Variants in MGAT5 observed in about 807,000 individuals in gnomAD.
MGAT5 encodes alpha-1,6-mannosylglycoprotein 6-beta-N-acetylglucosaminyltransferase A.
A neutral mutation model predicts 94.3 loss-of-function variants in MGAT5; 30 were observed. That is an observed-to-expected ratio of 0.32 (90% confidence interval 0.24 to 0.43). The LOEUF is 0.43. Among genes scored for constraint, MGAT5 ranks in the 20% least tolerant of loss-of-function variants. MGAT5 has a pLI of 1.00. For missense variants in MGAT5, 691 were observed against 905.5 expected, an observed-to-expected ratio of 0.76 and a Z score of 3.04; for synonymous variants, 310 against 322.9, an observed-to-expected ratio of 0.96 and a Z score of 0.43.
intron 10 of MGAT5, among the ~76,000 whole-genome samples, chr2:134,387,278 A>T (rs1682047413): frequency 7.3e-6 from 1 of 137,656 alleles, no homozygotes; most frequent in African/African-American, 2.7e-5. Context: ...AAAAATAAAA[A>T]TAAAAAATAA....
intron 2 of MGAT5, among the ~76,000 whole-genome samples, chr2:134,290,419 T>C (rs1685276575): frequency 1.8e-5 from 2 of 111,342 alleles, no homozygotes; most frequent in Admixed American, 1.8e-4. Flanking sequence ...TGGGGACTGA[T>C]GATCTAGTCA....
At chr2:134,442,526 G>A (rs569151059) in intron 15 of MGAT5, among the ~76,000 whole-genome samples, 1 of 152,248 alleles carries the variant, frequency 6.6e-6, no homozygotes, top group East Asian at 1.9e-4. Context: ...CTGAGTCTGC[G>A]GGGTCTCTTG....
At chr2:134,273,029 G>A (rs898793496) in intron 2 of MGAT5, among the ~76,000 whole-genome samples, 11 of 123,552 alleles carry the variant, frequency 8.9e-5, no homozygotes, top group Admixed American at 4.3e-4. Flanking sequence ...GTGCGCGCGC[G>A]CGTGCGCGTG....
chr2:134,412,835 G>A (rs755890061), intron 11 of MGAT5, 34 bp from the exon 12 acceptor site: 2 of 1,611,288 alleles, frequency 1.2e-6, no homozygotes, highest in East Asian at 2.2e-5. Context: ...CCTGCCTGAT[G>A]TGTTCATACG....
chr2:134,233,722 C>A (rs1437094812), intron 1 of MGAT5, among the ~76,000 whole-genome samples: 3 of 152,070 alleles, frequency 2.0e-5, no homozygotes, highest in Admixed American at 6.5e-5. Flanking sequence ...TAGACTAGGC[C>A]CTTTGCAAAT....
chr2:134,149,289 A>G (rs891531748), intron 1 of MGAT5, among the ~76,000 whole-genome samples: 11 of 152,216 alleles, frequency 7.2e-5, no homozygotes, highest in African/African-American at 2.4e-4. Flanking sequence ...TGTGCAATGT[A>G]CAAGATCAGT....
In MGAT5 at chr2:134,449,338, TG is replaced by T. The variant is rs1483365050; in HGVS notation, c.*492del. 5.5e-6 allele frequency: 1 copy of T among 183,210 alleles called. No individual in the cohort carries two copies. The highest frequency in any genetic ancestry group is 2.4e-5 in the African/African-American group (1 of 42,076). The allele number at this position is 183,210 out of a possible 1,614,324, so 11.3% of individuals were successfully genotyped here. A position where few individuals can be genotyped will look rare whatever the true frequency, so the allele number is the denominator to read the frequency against. On this transcript the variant is annotated 3_prime_UTR_variant, in exon 16 of 16. Coordinates refer to ENST00000281923, the MANE Select transcript of MGAT5 (RefSeq NM_002410.5). Reference sequence around the variant, plus strand: ...TAATCATCCACCTTCACTATACTGTTGTTCTGTCTGCTTTGGGCAGGGTGCA... The same window carrying T: ...TAATCATCCACCTTCACTATACTGTTTTCTGTCTGCTTTGGGCAGGGTGCA...
At chr2:134,391,946 A>G (rs1438691760) in intron 10 of MGAT5, among the ~76,000 whole-genome samples, 1 of 152,206 alleles carries the variant, frequency 6.6e-6, no homozygotes, top group Admixed American at 6.5e-5. Flanking sequence ...GCAAAGGGCA[A>G]TGTCAAAGTT....
At chr2:134,312,632 C>T (rs1232348928) in intron 2 of MGAT5, among the ~76,000 whole-genome samples, 1 of 152,164 alleles carries the variant, frequency 6.6e-6, no homozygotes, top group African/African-American at 2.4e-5. Context: ...GAGGAGGCTT[C>T]GTTGCCGGGT....
At chr2:134,345,661 G>A (rs1288383762) in intron 8 of MGAT5, among the ~76,000 whole-genome samples, 1 of 152,156 alleles carries the variant, frequency 6.6e-6, no homozygotes, top group Admixed American at 6.6e-5. Flanking sequence ...ATACAAACAT[G>A]GCACTAAATC....
At chr2:134,245,055 T>C (rs762338825) in intron 1 of MGAT5, among the ~76,000 whole-genome samples, 10 of 152,316 alleles carry the variant, frequency 6.6e-5, no homozygotes, top group Non-Finnish European at 1.2e-4. Flanking sequence ...CTCTGTCGCC[T>C]AGGCTGGAGT....
Position 134,358,392 on chromosome 2 carries a change from A to G in MGAT5, c.1247-3883A>G, listed in dbSNP as rs112539709. Among the ~76,000 whole-genome samples, 465 of 152,270 alleles carry G rather than the reference A, an allele frequency of 3.1e-3. 3 individuals are homozygous for G. The highest frequency in any genetic ancestry group is 0.014 in the Middle Eastern group (4 of 294). ...GAAAAAAGTTTTAATCTGAGGATAT[A>G]TTTCTGTTATAATGAGGAAAACCAA... On this transcript the variant is annotated intron_variant, in intron 9 of 15. Transcript: ENST00000281923.
At chr2:134,442,800 C>G (rs2106427598) in intron 15 of MGAT5, among the ~76,000 whole-genome samples, 1 of 152,266 alleles carries the variant, frequency 6.6e-6, no homozygotes, top group Admixed American at 6.5e-5. Context: ...GCATAATTAT[C>G]TAGCCTCCCC....
At chr2:134,441,024 C>T (rs539414777) in intron 14 of MGAT5, among the ~76,000 whole-genome samples, 2 of 152,324 alleles carry the variant, frequency 1.3e-5, no homozygotes, top group Admixed American at 6.5e-5. Context: ...AGGAACTTAA[C>T]TCTTGTTAAT....
upstream of MGAT5, among the ~76,000 whole-genome samples, chr2:134,252,243 C>T (rs1430823514): frequency 6.6e-6 from 1 of 152,064 alleles, no homozygotes; most frequent in East Asian, 1.9e-4. Context: ...CACTCATGTG[C>T]CAGCTGGGTG....
chr2:134,360,044 C>A (rs1679985172), intron 9 of MGAT5, among the ~76,000 whole-genome samples: 1 of 152,176 alleles, frequency 6.6e-6, no homozygotes, highest in South Asian at 2.1e-4. Context: ...GGCCTTGGCT[C>A]ATTAAACGTG....
At chr2:134,442,446 C>T (rs1685534736) in intron 15 of MGAT5, among the ~76,000 whole-genome samples, 1 of 152,154 alleles carries the variant, frequency 6.6e-6, no homozygotes, top group East Asian at 1.9e-4. Context: ...CAGCCTTCTC[C>T]TGCGGCCTGT....
At chr2:134,344,761 C>CT (rs1448811138) in intron 7 of MGAT5, among the ~76,000 whole-genome samples, 169 bp from the exon 8 acceptor site, 2 of 151,966 alleles carry the variant, frequency 1.3e-5, no homozygotes, top group Non-Finnish European at 2.9e-5. Context: ...CTGGGTTGGC[C>CT]TTAATGGATG....
intron 2 of MGAT5, among the ~76,000 whole-genome samples, chr2:134,281,485 T>C (rs1684691532): frequency 6.6e-6 from 1 of 152,152 alleles, no homozygotes; most frequent in Non-Finnish European, 1.5e-5. Context: ...GTAGATGCAT[T>C]CACCCTAGTC....
Sources: allele counts gnomAD v4.1 joint callset (sites outside exome capture counted in the v4.1 genomes callset), GRCh38; gene constraint gnomAD v4.1.1; transcripts MANE v1.5; gene names NCBI Gene and HGNC (gene_info 2026-07-23, HGNC 2026-07-21).